EYS: variants seen among roughly 807,000 people sequenced by gnomAD.
EYS encodes protein eyes shut homolog.
Under a neutral mutation model 282.1 loss-of-function variants are expected in EYS, and 250 were observed. The observed-to-expected ratio is 0.89, with a 90% CI of 0.80 to 0.98. The LOEUF is 0.98. EYS is among the 50% of genes least tolerant of loss of function. The pLI, the probability that EYS is intolerant of heterozygous loss-of-function variation, is 0.00. For missense variants in EYS, 4,016 were observed against 3,709.0 expected (o/e 1.08, Z -2.15); for synonymous variants, 1,355 against 1,282.9 (o/e 1.06, Z -1.20).
intron 31 of EYS, among the ~76,000 whole-genome samples, chr6:64,111,335 A>T (rs757704033): frequency 2.0e-5 from 3 of 152,058 alleles, no homozygotes; most frequent in Non-Finnish European, 4.4e-5. Flanking sequence ...GGTATTATAA[A>T]GATGATAGGC....
intron 26 of EYS, among the ~76,000 whole-genome samples, chr6:64,447,236 T>C (rs527758914): frequency 2.6e-5 from 4 of 152,066 alleles, no homozygotes; most frequent in Non-Finnish European, 5.9e-5. Context: ...GAGCTTGAAT[T>C]TTATCATTAC....
intron 28 of EYS, among the ~76,000 whole-genome samples, chr6:64,411,135 T>C (rs972882259): frequency 3.9e-5 from 6 of 152,144 alleles, no homozygotes; most frequent in African/African-American, 1.4e-4. Context: ...GCCATAGTTC[T>C]ATTTTTAAGT....
chr6:65,265,804 T>A (rs1767738162), intron 12 of EYS, among the ~76,000 whole-genome samples: 1 of 151,916 alleles, frequency 6.6e-6, no homozygotes, highest in Non-Finnish European at 1.5e-5. Context: ...ATGCTCTTAT[T>A]TTTTAGCTAT....
chr6:65,087,840 C>A (rs1287276484), intron 12 of EYS, among the ~76,000 whole-genome samples: 4 of 152,168 alleles, frequency 2.6e-5, no homozygotes, highest in African/African-American at 9.7e-5. Context: ...TCTGTGTCCC[C>A]ACACAAATCT....
At chr6:63,889,116 G>A (rs9968832) in intron 35 of EYS, among the ~76,000 whole-genome samples, 17,800 of 151,950 alleles carry the variant, frequency 0.12, 1,248 homozygotes, top group African/African-American at 0.19. Flanking sequence ...GAATAAACAA[G>A]GCCTCCAAGA....
intron 22 of EYS, among the ~76,000 whole-genome samples, chr6:64,647,932 C>G (rs1768415085): frequency 6.6e-6 from 1 of 152,004 alleles, no homozygotes; most frequent in Non-Finnish European, 1.5e-5. Flanking sequence ...AACATGCTTC[C>G]GTAAGAAAAA....
At chr6:64,977,351 A>G (rs1256347985) in intron 14 of EYS, among the ~76,000 whole-genome samples, 4 of 151,980 alleles carry the variant, frequency 2.6e-5, no homozygotes, top group Admixed American at 2.6e-4. Context: ...TTGGGGCACT[A>G]TTAATCACAC....
intron 19 of EYS, among the ~76,000 whole-genome samples, chr6:64,837,932 A>G (rs1017517139): frequency 1.3e-5 from 2 of 151,670 alleles, no homozygotes; most frequent in Admixed American, 6.6e-5. Flanking sequence ...TGACTACACT[A>G]AAAGTCTAGA....
At chr6:65,371,731 CTCTCTCTCTCTGTGTGTG>C (rs1765153340) in intron 8 of EYS, among the ~76,000 whole-genome samples, 1 of 51,004 alleles carries the variant, frequency 2.0e-5, no homozygotes, top group African/African-American at 5.0e-5. Flanking sequence ...CTCTCTCTCT[CTCTCTCTCTCTGTGTGTG>C]TGTGTGTGTG....
At chr6:65,342,331 G>T (rs1335370049) in intron 10 of EYS, among the ~76,000 whole-genome samples, 1 of 150,904 alleles carries the variant, frequency 6.6e-6, no homozygotes, top group Non-Finnish European at 1.5e-5. Context: ...TTTAATAACA[G>T]ATATAATTTA....
chr6:65,491,230 C>T (rs1437184804), intron 4 of EYS: 1 of 174,672 alleles, frequency 5.7e-6, no homozygotes, highest in East Asian at 1.6e-4. Context: ...TTCCAAATCT[C>T]ACTTACACAT....
intron 22 of EYS, among the ~76,000 whole-genome samples, chr6:64,634,934 A>G (rs1001955848): frequency 6.6e-6 from 1 of 152,126 alleles, no homozygotes; most frequent in Admixed American, 6.5e-5. Context: ...TTTTCACGAT[A>G]TTGGTTCTTC....
chr6:64,496,366 G>A (rs1776889936), intron 26 of EYS, among the ~76,000 whole-genome samples: 1 of 122,884 alleles, frequency 8.1e-6, no homozygotes. Context: ...CTTTCATTTA[G>A]TTGTCTGAAA....
intron 22 of EYS, among the ~76,000 whole-genome samples, chr6:64,757,515 C>T (rs1772981488): frequency 1.3e-5 from 2 of 151,900 alleles, no homozygotes; most frequent in Middle Eastern, 3.2e-3. Context: ...GTAGAATACA[C>T]ATTTTGGTAG....
chr6:64,171,317 C>T (rs143609153), intron 31 of EYS, among the ~76,000 whole-genome samples: 2 of 152,102 alleles, frequency 1.3e-5, no homozygotes, highest in African/African-American at 4.8e-5. Flanking sequence ...GATCTGTGGG[C>T]CCTTAAAACA....
intron 31 of EYS, among the ~76,000 whole-genome samples, chr6:64,214,039 C>A (rs1765859309): frequency 2.6e-5 from 4 of 152,054 alleles, no homozygotes; most frequent in Admixed American, 2.6e-4. Context: ...TTTTTATCAC[C>A]TCTACAAAAA....
chr6:64,877,416 G>C (rs747227740), intron 19 of EYS, among the ~76,000 whole-genome samples: 1 of 152,078 alleles, frequency 6.6e-6, no homozygotes, highest in South Asian at 2.1e-4. Context: ...TATATTTATG[G>C]TATTTTTTAA....
intron 22 of EYS, among the ~76,000 whole-genome samples, chr6:64,810,404 A>T (rs4710286): frequency 4.0e-5 from 6 of 151,724 alleles, no homozygotes; most frequent in Non-Finnish European, 7.4e-5. Flanking sequence ...GCAATGACGG[A>T]GATGAAAGCA....
intron 40 of EYS, 148 bp downstream of exon 40, chr6:63,777,858 C>T: frequency 2.7e-6 from 2 of 748,782 alleles, no homozygotes; most frequent in Non-Finnish European, 4.4e-6. Context: ...TTCACCTGTC[C>T]TCCCATCATG....
Sources: gnomAD v4.1 joint callset for allele counts (sites outside exome capture counted in the v4.1 genomes callset) on GRCh38, gnomAD v4.1.1 for gene constraint, MANE v1.5 for transcripts, NCBI Gene and HGNC (gene_info 2026-07-23, HGNC 2026-07-21) for gene names.